KCNIP4: variants seen among roughly 807,000 people sequenced by gnomAD.
KCNIP4 encodes Kv channel-interacting protein 4.
Under a neutral mutation model 34.0 loss-of-function variants are expected in KCNIP4, and 12 were observed. That is an observed-to-expected ratio of 0.35 (90% CI 0.23 to 0.57). The LOEUF is 0.57. Ranked by LOEUF, KCNIP4 falls within the 20% of genes least tolerant of loss-of-function variation. The pLI is 0.83. For synonymous variants in KCNIP4, 124 were observed against 102.2 expected (o/e 1.21, Z -1.29); for missense variants, 238 against 311.7 (o/e 0.76, Z 1.78).
chr4:21,099,404 C>A (rs1747744352), intron 1 of KCNIP4, among the ~76,000 whole-genome samples: 1 of 152,002 alleles, frequency 6.6e-6, no homozygotes, highest in Non-Finnish European at 1.5e-5. Context: ...TATGTGGGAG[C>A]TGAATGATGA....
At chr4:21,497,949 A>G (rs1300775541) in intron 1 of KCNIP4, among the ~76,000 whole-genome samples, 5 of 152,188 alleles carry the variant, frequency 3.3e-5, no homozygotes, top group Non-Finnish European at 5.9e-5. Flanking sequence ...CAGTGCAAAG[A>G]TATCTGTCTT....
At chr4:21,845,259 C>T (rs1189290188) in intron 1 of KCNIP4, 1 of 152,070 alleles carries the variant, frequency 6.6e-6, no homozygotes. Flanking sequence ...AATTACTCAA[C>T]TCTGCTGGCA....
chr4:21,925,077 C>CT (rs576336401), intron 1 of KCNIP4, among the ~76,000 whole-genome samples: 1 of 151,704 alleles, frequency 6.6e-6, no homozygotes, highest in Admixed American at 6.6e-5. Flanking sequence ...TCATTTTTTT[C>CT]TTTTTTTTAT....
At chr4:21,345,935 T>C (rs1024162804) in intron 1 of KCNIP4, among the ~76,000 whole-genome samples, 1 of 150,366 alleles carries the variant, frequency 6.7e-6, no homozygotes, top group Non-Finnish European at 1.5e-5. Context: ...TGGCATGGTA[T>C]GATTTCATTT....
At position 21,011,927 on chromosome 4, in the gene KCNIP4, A is replaced by G. The variant is rs73245215; in HGVS notation, c.62-129218T>C. 5.3e-3 allele frequency among the ~76,000 whole-genome samples: 805 copies of G among 152,356 alleles called. 5 individuals carry two copies. Among genetic ancestry groups the G allele is most frequent in the Non-Finnish European group, 8.0e-3 (547 of 68,036 alleles). ...TGGCATAATCAAGACAAGTTGGATG[A>G]ATTGTCTCCTAACTGGATTATAATG... On this transcript the variant is annotated intron_variant, in intron 1 of 8. Transcript: ENST00000382152.
chr4:21,415,640 T>G (rs1724894489), intron 1 of KCNIP4, among the ~76,000 whole-genome samples: 1 of 152,048 alleles, frequency 6.6e-6, no homozygotes, highest in Non-Finnish European at 1.5e-5. Context: ...AGACAGAGGT[T>G]GTAGTGAGCT....
intron 1 of KCNIP4, among the ~76,000 whole-genome samples, chr4:21,050,128 A>G (rs1742795457): frequency 6.6e-6 from 1 of 152,228 alleles, no homozygotes; most frequent in South Asian, 2.1e-4. Flanking sequence ...TTTTTACATA[A>G]AAGTCAGTGA....
chr4:21,081,806 A>G (rs1273763720), intron 1 of KCNIP4, among the ~76,000 whole-genome samples: 1 of 151,788 alleles, frequency 6.6e-6, no homozygotes, highest in Non-Finnish European at 1.5e-5. Flanking sequence ...CTGAATTCTG[A>G]GAGAGTAATT....
At chr4:20,806,698 GA>G (rs1265795575) in intron 3 of KCNIP4, among the ~76,000 whole-genome samples, 1 of 151,888 alleles carries the variant, frequency 6.6e-6, no homozygotes, top group Non-Finnish European at 1.5e-5. Flanking sequence ...CTAAAAATCT[GA>G]AAAACCTGAA....
chr4:21,556,942 AAC>A lies in KCNIP4; in HGVS notation c.61+391627_61+391628del, dbSNP rs1378972119. ...TCTCAGAAAAAAAAAAAAAAAAAAA[AAC>A]CAGAAAACAAAAATGCATCAGTAGA... is the stretch of plus-strand genomic sequence containing the variant. On this transcript the variant is annotated intron_variant, in intron 1 of 8. Coordinates refer to ENST00000382152, the MANE Select transcript of KCNIP4 (RefSeq NM_025221.6). Among the ~76,000 whole-genome samples, 31 of 150,078 alleles carry A rather than the reference AAC, an allele frequency of 2.1e-4. 1 individual carries two copies. The highest frequency in any genetic ancestry group is 7.6e-4 in the African/African-American group (31 of 40,898).
intron 1 of KCNIP4, among the ~76,000 whole-genome samples, chr4:21,202,675 A>C (rs1756573894): frequency 6.6e-6 from 1 of 152,182 alleles, no homozygotes; most frequent in African/African-American, 2.4e-5. Context: ...TGGTGCTCAG[A>C]TCCGTCTCAG....
At chr4:20,793,728 G>A (rs1713079086) in intron 3 of KCNIP4, among the ~76,000 whole-genome samples, 2 of 151,958 alleles carry the variant, frequency 1.3e-5, no homozygotes, top group Non-Finnish European at 2.9e-5. Context: ...TCACCATAAT[G>A]TAGAATCAGT....
At chr4:21,519,698 G>T (rs1460885693) in intron 1 of KCNIP4, among the ~76,000 whole-genome samples, 1 of 142,110 alleles carries the variant, frequency 7.0e-6, no homozygotes, top group Non-Finnish European at 1.5e-5. Context: ...ATACACACGT[G>T]TGTGTATGTA....
intron 1 of KCNIP4, among the ~76,000 whole-genome samples, chr4:20,908,606 C>T (rs1728027552): frequency 1.3e-5 from 2 of 152,110 alleles, no homozygotes; most frequent in South Asian, 2.1e-4. Flanking sequence ...ATGCCATTTT[C>T]AAAAGAGAAC....
intron 2 of KCNIP4, among the ~76,000 whole-genome samples, chr4:20,877,586 T>C (rs1724201560): frequency 6.6e-6 from 1 of 152,198 alleles, no homozygotes; most frequent in South Asian, 2.1e-4. Flanking sequence ...ATATTCCTTA[T>C]AGTAGGCTAT....
At chr4:20,845,372 T>C (rs1315716268) in intron 3 of KCNIP4, among the ~76,000 whole-genome samples, 1 of 152,174 alleles carries the variant, frequency 6.6e-6, no homozygotes, top group African/African-American at 2.4e-5. Flanking sequence ...GACACTGTGC[T>C]CTATGACCCC....
intron 1 of KCNIP4, among the ~76,000 whole-genome samples, chr4:21,855,426 G>A (rs185603190): frequency 6.6e-6 from 1 of 152,168 alleles, no homozygotes. Context: ...ATGTAGCAAT[G>A]GTACCAGCGC....
At chr4:21,698,193 G>C (rs1560640938) in intron 1 of KCNIP4, among the ~76,000 whole-genome samples, 1 of 152,200 alleles carries the variant, frequency 6.6e-6, no homozygotes, top group Non-Finnish European at 1.5e-5. Context: ...GGCTTAGAGG[G>C]AGAAAACAAG....
At chr4:21,486,875 G>C (rs1052025645) in intron 1 of KCNIP4, among the ~76,000 whole-genome samples, 1 of 151,920 alleles carries the variant, frequency 6.6e-6, no homozygotes, top group African/African-American at 2.4e-5. Context: ...TGTGATCTCG[G>C]CTCACTGCAA....
Sources: gnomAD v4.1 joint callset for allele counts (sites outside exome capture counted in the v4.1 genomes callset) on GRCh38, gnomAD v4.1.1 for gene constraint, MANE v1.5 for transcripts, NCBI Gene and HGNC (gene_info 2026-07-23, HGNC 2026-07-21) for gene names.